SMYD3: variants seen among roughly 807,000 people sequenced by gnomAD.
SMYD3 encodes the protein histone-lysine N-methyltransferase SMYD3.
A neutral mutation model predicts 57.7 loss-of-function variants in SMYD3; 36 were observed. That is an observed-to-expected ratio of 0.62 (90% CI 0.48 to 0.82). The LOEUF (loss-of-function observed/expected upper bound fraction) is 0.82, where lower values mean the gene tolerates loss of function less well. Ranked by LOEUF, SMYD3 falls within the 40% of genes least tolerant of loss-of-function variation. SMYD3 has a pLI of 0.00. For synonymous variants in SMYD3, 211 were observed against 195.0 expected (o/e 1.08, Z -0.68); for missense variants, 515 against 538.8 (o/e 0.96, Z 0.44).
chr1:246,279,633 C>A (rs1276278226), intron 5 of SMYD3, among the ~76,000 whole-genome samples: 3 of 152,156 alleles, frequency 2.0e-5, no homozygotes, highest in Admixed American at 1.3e-4. Flanking sequence ...GTTATTTAAC[C>A]TCTATAACAT....
chr1:245,870,030 G>A (rs867265969), intron 8 of SMYD3, among the ~76,000 whole-genome samples: 2 of 152,174 alleles, frequency 1.3e-5, no homozygotes, highest in Non-Finnish European at 2.9e-5. Context: ...AACGCCCTGA[G>A]GGACCGTGAC....
intron 5 of SMYD3, among the ~76,000 whole-genome samples, chr1:246,046,173 T>A (rs1460573696): frequency 5.3e-5 from 8 of 152,080 alleles, no homozygotes; most frequent in African/African-American, 1.7e-4. Context: ...GACACATGCA[T>A]ACGTATGTTT....
rs749267471 is a variant in SMYD3 at position 246,107,103 on chromosome 1, C to CCTGGCTAACAA, written c.532-177167_532-177166insTTGTTAGCCAG. 8.4e-4 allele frequency among the ~76,000 whole-genome samples: 91 copies of CCTGGCTAACAA among 108,878 alleles called. 1 individual carries two copies. The highest frequency in any genetic ancestry group is 3.3e-3 in the African/African-American group (82 of 24,926). 71.4% of individuals were successfully genotyped at this position (108,878 alleles called of 152,430 possible). ...TCACAAGGTCAGGAGATCGAGACCA[C>CCTGGCTAACAA]GGTGAAACCCCGTCTCTACTAAAAA... is the stretch of plus-strand genomic sequence containing the variant. On this transcript the variant is annotated intron_variant, in intron 5 of 11. Transcript: ENST00000490107.
intron 1 of SMYD3, among the ~76,000 whole-genome samples, chr1:246,475,329 G>GAC (rs2068015442): frequency 1.9e-5 from 2 of 103,010 alleles, no homozygotes; most frequent in African/African-American, 6.2e-5. Context: ...GACTGTCTCA[G>GAC]AAAAAAAAAA....
At position 245,812,700 on chromosome 1, in the gene SMYD3, C is replaced by CAAAAAAAAAAAAAAAA. The variant is rs201426225; in HGVS notation, c.1076+45795_1076+45796insTTTTTTTTTTTTTTTT. On this transcript the variant is annotated intron_variant, in intron 10 of 11. Coordinates refer to ENST00000490107, the MANE Select transcript of SMYD3 (RefSeq NM_001167740.2). The stretch of plus-strand genomic sequence containing the variant: ...AAATTCTTACTTCTAAACAACAGTT[C>CAAAAAAAAAAAAAAAA]CAAAAAAAAAAAAAAAGAGAAAGAG... Among the ~76,000 whole-genome samples, 8 of 46,600 alleles carry CAAAAAAAAAAAAAAAA rather than the reference C, an allele frequency of 1.7e-4. 3 individuals carry two copies. The highest frequency in any genetic ancestry group is 1.9e-4 in the Admixed American group (1 of 5,134). 30.6% of individuals were successfully genotyped at this position (46,600 alleles called of 152,430 possible). A position where few individuals can be genotyped will look rare whatever the true frequency, so the allele number is the denominator to read the frequency against.
intron 10 of SMYD3, among the ~76,000 whole-genome samples, chr1:245,790,761 G>A (rs184996996): frequency 6.6e-6 from 1 of 152,308 alleles, no homozygotes; most frequent in Admixed American, 6.5e-5. Context: ...TGACTGAACA[G>A]CTTTATGGGT....
intron 1 of SMYD3, among the ~76,000 whole-genome samples, chr1:246,484,337 GCACTAGTTACACCTGAAAACA>G (rs1173958479): frequency 9.4e-4 from 37 of 39,342 alleles, no homozygotes; most frequent in Admixed American, 1.7e-3. Context: ...CTAAACCACT[GCACTAGTTACACCTGAAAACA>G]CATCACTTCA....
At chr1:245,896,669 T>C (rs866229489) in intron 8 of SMYD3, among the ~76,000 whole-genome samples, 1 of 152,170 alleles carries the variant, frequency 6.6e-6, no homozygotes, top group Non-Finnish European at 1.5e-5. Context: ...CCTGTTCCCC[T>C]GTGCTAGATA....
chr1:245,804,157 C>T (rs2048020246), intron 10 of SMYD3, among the ~76,000 whole-genome samples: 1 of 152,058 alleles, frequency 6.6e-6, no homozygotes, highest in Non-Finnish European at 1.5e-5. Flanking sequence ...GTGATCTGCC[C>T]ATCTCGGCCT....
At chr1:245,858,347 A>G in intron 10 of SMYD3, 149 bp downstream of exon 10, 1 of 790,750 alleles carries the variant, frequency 1.3e-6, no homozygotes, top group Non-Finnish European at 2.0e-6. Context: ...AGAGGAGTGA[A>G]TAAAATAAGA....
At chr1:245,784,055 C>T (rs993607453) in intron 10 of SMYD3, among the ~76,000 whole-genome samples, 2 of 152,144 alleles carry the variant, frequency 1.3e-5, no homozygotes, top group Non-Finnish European at 2.9e-5. Flanking sequence ...CATGCAAAGG[C>T]AAAGGAACTA....
intron 5 of SMYD3, among the ~76,000 whole-genome samples, chr1:246,272,970 T>C (rs899243287): frequency 1.3e-5 from 2 of 152,112 alleles, no homozygotes; most frequent in Admixed American, 6.6e-5. Flanking sequence ...TAACTAGGTA[T>C]AGGTCCATTC....
rs540711648 is a variant in SMYD3 at position 245,752,690 on chromosome 1, A to G, written c.1186-3026T>C. On this transcript the variant is annotated intron_variant, in intron 11 of 11. Coordinates refer to ENST00000490107, the MANE Select transcript of SMYD3 (RefSeq NM_001167740.2). ...AGACCTGCCCATCCCACAGTACGGTAACTACTTCCAGTTCTTCAGCCATTC... is the reference window on the plus strand; with the variant it reads ...AGACCTGCCCATCCCACAGTACGGTGACTACTTCCAGTTCTTCAGCCATTC... Among the ~76,000 whole-genome samples, 4 of 152,300 alleles carry G rather than the reference A, an allele frequency of 2.6e-5. No homozygotes were observed. The East Asian group carries it at 7.7e-4, about 29-fold the overall frequency.
chr1:246,327,159 G>T, intron 5 of SMYD3, 42 bp downstream of exon 5: 2 of 1,610,706 alleles, frequency 1.2e-6, no homozygotes, highest in South Asian at 2.2e-5. Context: ...AGGAGCAAAT[G>T]GTTGATGTAT....
chr1:246,126,422 C>T (rs1331598995), intron 5 of SMYD3, among the ~76,000 whole-genome samples: 1 of 152,196 alleles, frequency 6.6e-6, no homozygotes, highest in Non-Finnish European at 1.5e-5. Flanking sequence ...ATTTTACTTA[C>T]AGACACAAGT....
In SMYD3 at chr1:245,858,560, A is replaced by T. The variant is rs2051373375; in HGVS notation, c.1012T>A (p.Cys338Ser). The change falls in exon 10 of 12, where the codon TGC becomes AGC. Residue 338 changes from cysteine to serine, a missense_variant. Physicochemically the swap from Cys to Ser is moderately radical, Grantham distance 112. Coordinates refer to ENST00000490107, the MANE Select transcript of SMYD3 (RefSeq NM_001167740.2). ...LKVLDCAMDA[C>S]INLGLLEEAL... ...TCCTCCAACAGGCCGAGGTTGATGCAGGCATCCATGGCGCAGTCGAGCACC... is the reference window on the plus strand; with the variant it reads ...TCCTCCAACAGGCCGAGGTTGATGCTGGCATCCATGGCGCAGTCGAGCACC... 1 of 1,614,108 alleles carries T rather than the reference A, an allele frequency of 6.2e-7. No individual in the cohort carries two copies. Among genetic ancestry groups the T allele is most frequent in the Non-Finnish European group, 8.5e-7 (1 of 1,180,046 alleles).
intron 5 of SMYD3, among the ~76,000 whole-genome samples, chr1:246,267,868 T>C (rs1012028042): frequency 6.6e-6 from 1 of 152,234 alleles, no homozygotes; most frequent in Non-Finnish European, 1.5e-5. Flanking sequence ...AGATTTCTAT[T>C]CCCAAAGTCT....
At chr1:246,115,888 C>T (rs2061333661) in intron 5 of SMYD3, among the ~76,000 whole-genome samples, 1 of 152,094 alleles carries the variant, frequency 6.6e-6, no homozygotes, top group Non-Finnish European at 1.5e-5. Flanking sequence ...CCTGTAATCC[C>T]AGCACTTCCG....
intron 10 of SMYD3, among the ~76,000 whole-genome samples, chr1:245,815,532 ACT>A (rs1221035122): frequency 6.6e-6 from 1 of 152,174 alleles, no homozygotes; most frequent in Non-Finnish European, 1.5e-5. Flanking sequence ...CCCCCAAGTG[ACT>A]CTGATGCATA....
Sources: allele counts gnomAD v4.1 joint callset (sites outside exome capture counted in the v4.1 genomes callset), GRCh38; gene constraint gnomAD v4.1.1; transcripts MANE v1.5; gene names NCBI Gene and HGNC (gene_info 2026-07-23, HGNC 2026-07-21).